Variants in SUGCT observed in about 807,000 individuals in gnomAD.
SUGCT encodes succinyl-CoA:glutarate-CoA transferase, also known as succinyl-CoA:glutarate CoA-transferase.
Under a neutral mutation model 55.0 loss-of-function variants are expected in SUGCT, and 41 were observed. The observed-to-expected ratio is 0.74, with a 90% confidence interval of 0.58 to 0.97. SUGCT has a LOEUF of 0.97. Among genes scored for constraint, SUGCT ranks in the 50% least tolerant of loss-of-function variants. The pLI, the probability that SUGCT is intolerant of heterozygous loss-of-function variation, is 0.00. For synonymous variants in SUGCT, 187 were observed against 200.4 expected (o/e 0.93, Z 0.56); for missense variants, 568 against 547.8 (o/e 1.04, Z -0.37).
intron 9 of SUGCT, among the ~76,000 whole-genome samples, chr7:40,440,664 T>G (rs1363404027): frequency 2.0e-5 from 3 of 152,142 alleles, no homozygotes; most frequent in Non-Finnish European, 4.4e-5. Context: ...TTCTAGGGAC[T>G]TTTCTAGGAT....
chr7:40,188,395 CTG>C, intron 3 of SUGCT, 98 bp from the exon 4 acceptor site: 1 of 807,954 alleles, frequency 1.2e-6, no homozygotes, highest in Admixed American at 3.1e-5. Flanking sequence ...GATCGTTCCT[CTG>C]CACTCCAGCC....
At chr7:40,411,720 C>A (rs1335466724) in intron 9 of SUGCT, among the ~76,000 whole-genome samples, 2 of 152,014 alleles carry the variant, frequency 1.3e-5, no homozygotes, top group Non-Finnish European at 2.9e-5. Flanking sequence ...CGTTGGTTGA[C>A]TATAGTTAAC....
intron 11 of SUGCT, among the ~76,000 whole-genome samples, chr7:40,468,722 T>TG (rs989662918): frequency 4.2e-5 from 6 of 143,302 alleles, no homozygotes; most frequent in African/African-American, 1.6e-4. Flanking sequence ...AAAGATTTTG[T>TG]GGGGGAGTGG....
chr7:40,472,694 A>G (rs1790462095), intron 11 of SUGCT, among the ~76,000 whole-genome samples: 2 of 152,140 alleles, frequency 1.3e-5, no homozygotes, highest in Admixed American at 1.3e-4. Context: ...GATCTGACAT[A>G]GCTGATGAGC....
chr7:40,210,394 C>G (rs920516530), intron 6 of SUGCT, among the ~76,000 whole-genome samples: 1 of 152,026 alleles, frequency 6.6e-6, no homozygotes, highest in Admixed American at 6.6e-5. Flanking sequence ...TATACACCCT[C>G]AGTTGTGTTT....
chr7:40,762,961 C>T (rs916364276), intron 13 of SUGCT, among the ~76,000 whole-genome samples: 5 of 151,918 alleles, frequency 3.3e-5, no homozygotes, highest in Admixed American at 3.3e-4. Context: ...TACAGGTGCC[C>T]ACCGTCATGC....
At chr7:40,307,774 T>C (rs1437397612) in intron 8 of SUGCT, among the ~76,000 whole-genome samples, 3 of 150,470 alleles carry the variant, frequency 2.0e-5, no homozygotes, top group Admixed American at 1.3e-4. Context: ...TTATGTACTC[T>C]GGAGTCTTTT....
At chr7:40,510,055 A>G (rs1477943001) in intron 12 of SUGCT, among the ~76,000 whole-genome samples, 1 of 152,134 alleles carries the variant, frequency 6.6e-6, no homozygotes, top group Non-Finnish European at 1.5e-5. Flanking sequence ...GTACTTATTC[A>G]TGGGAATTTG....
chr7:40,963,043 A>G, the SUGCT span, among the ~76,000 whole-genome samples: 1 of 152,200 alleles, frequency 6.6e-6, no homozygotes, highest in Admixed American at 6.5e-5. Context: ...GGAATTGCAT[A>G]TAAACAAAGA....
Position 40,860,414 on chromosome 7 carries a change from T to C in SUGCT, c.1252T>C (p.Tyr418His). 1 of 1,613,966 alleles carries C rather than the reference T, an allele frequency of 6.2e-7. No individual in the cohort carries two copies. Among genetic ancestry groups the C allele is most frequent in the Non-Finnish European group, 8.5e-7 (1 of 1,179,850 alleles). The change falls in exon 14 of 14, where the codon TAC (tyrosine) becomes CAC (histidine). Residue 418 changes from tyrosine (Y) to histidine (H), a missense_variant. Coordinates refer to ENST00000335693, the MANE Select transcript of SUGCT (RefSeq NM_001193313.2). ...GCACATCCTGAAGGAGGTCCTGAGATACGATGACAGGGCCATCGGGGAGCT... is the reference window on the plus strand; with the variant it reads ...GCACATCCTGAAGGAGGTCCTGAGACACGATGACAGGGCCATCGGGGAGCT... ...TTHILKEVLRYDDRAIGELLS... is the reference protein window; with the variant it reads ...TTHILKEVLRHDDRAIGELLS...
intron 11 of SUGCT, among the ~76,000 whole-genome samples, chr7:40,483,262 G>A (rs761759181): frequency 6.6e-6 from 1 of 152,060 alleles, no homozygotes; most frequent in Non-Finnish European, 1.5e-5. Context: ...GGGACATTTC[G>A]TATAGGTAAT....
At chr7:40,350,584 G>GC (rs538297754) in intron 9 of SUGCT, among the ~76,000 whole-genome samples, 41 of 151,612 alleles carry the variant, frequency 2.7e-4, no homozygotes, top group Middle Eastern at 3.4e-3. Context: ...ACCCACCTTG[G>GC]CCCCCCAAAA....
chr7:40,767,421 G>A (rs1480688208), intron 13 of SUGCT, among the ~76,000 whole-genome samples: 1 of 152,084 alleles, frequency 6.6e-6, no homozygotes, highest in Non-Finnish European at 1.5e-5. Flanking sequence ...AATGCTATTG[G>A]TCCAAAGGGT....
At chr7:40,653,044 G>A (rs1800855411) in intron 12 of SUGCT, among the ~76,000 whole-genome samples, 1 of 152,112 alleles carries the variant, frequency 6.6e-6, no homozygotes, top group Non-Finnish European at 1.5e-5. Flanking sequence ...TTAGGACTCA[G>A]CTTCAGCTTC....
intron 7 of SUGCT, among the ~76,000 whole-genome samples, chr7:40,255,472 G>A (rs1246413994): frequency 6.6e-6 from 1 of 151,394 alleles, no homozygotes; most frequent in African/African-American, 2.4e-5. Context: ...GACCAGCCTG[G>A]CCAACATGAG....
At chr7:40,856,549 G>A (rs1794177531) in intron 13 of SUGCT, among the ~76,000 whole-genome samples, 1 of 151,324 alleles carries the variant, frequency 6.6e-6, no homozygotes, top group African/African-American at 2.5e-5. Flanking sequence ...GGTAACCCTT[G>A]GAAGCAATGA....
the SUGCT span, among the ~76,000 whole-genome samples, chr7:40,938,201 G>A: frequency 6.6e-6 from 1 of 152,108 alleles, no homozygotes; most frequent in Admixed American, 6.6e-5. Context: ...AATCTTTGCT[G>A]TTTGATTGGC....
chr7:40,799,797 G>A (rs1790720993), intron 13 of SUGCT, among the ~76,000 whole-genome samples: 1 of 152,100 alleles, frequency 6.6e-6, no homozygotes. Context: ...CTTGGCACTA[G>A]CCTGGAAAAT....
At chr7:40,552,517 C>G (rs1313875525) in intron 12 of SUGCT, among the ~76,000 whole-genome samples, 1 of 152,130 alleles carries the variant, frequency 6.6e-6, no homozygotes, top group Non-Finnish European at 1.5e-5. Flanking sequence ...TCAACTCCCC[C>G]ACTCATCTGT....
Sources: allele counts gnomAD v4.1 joint callset (sites outside exome capture counted in the v4.1 genomes callset), GRCh38; gene constraint gnomAD v4.1.1; transcripts MANE v1.5; gene names NCBI Gene and HGNC (gene_info 2026-07-23, HGNC 2026-07-21).